The following ANO5 variants were observed in gnomAD, a reference collection of about 807,000 sequenced individuals.
ANO5 encodes the protein anoctamin-5.
Under a neutral mutation model 121.0 loss-of-function variants are expected in ANO5, and 109 were observed. The ratio of observed to expected loss-of-function variants is 0.90; its 90% CI spans 0.77 to 1.06. The LOEUF (loss-of-function observed/expected upper bound fraction) is 1.06. Among genes scored for constraint, ANO5 ranks in the 50% least tolerant of loss-of-function variants. The pLI, the probability that ANO5 is intolerant of heterozygous loss-of-function variation, is 0.00. For missense variants in ANO5, 1,064 were observed against 1,078.5 expected, an observed-to-expected ratio of 0.99 and a Z score of 0.19; for synonymous variants, 406 against 359.9, an observed-to-expected ratio of 1.13 and a Z score of -1.45.
intron 1 of ANO5, among the ~76,000 whole-genome samples, chr11:22,194,481 C>T (rs1222769372): frequency 6.6e-6 from 1 of 152,166 alleles, no homozygotes; most frequent in Non-Finnish European, 1.5e-5. Context: ...TAAAATTCAC[C>T]TATTTGACGT....
chr11:22,221,499 A>G (rs192534395), intron 5 of ANO5, among the ~76,000 whole-genome samples: 26 of 152,152 alleles, frequency 1.7e-4, no homozygotes, highest in African/African-American at 5.8e-4. Context: ...AATTTGAGGT[A>G]TGTGTCTGAA....
intron 1 of ANO5, among the ~76,000 whole-genome samples, chr11:22,200,256 G>A (rs1020966832): frequency 6.6e-6 from 1 of 152,128 alleles, no homozygotes; most frequent in African/African-American, 2.4e-5. Flanking sequence ...TCCATGAAGT[G>A]ATAGATTCAT....
rs776413829 is a variant in ANO5 at position 22,255,488 on chromosome 11, T to C, written c.1298T>C (p.Met433Thr). The change falls in exon 13 of 22, where the codon ATG (methionine) becomes ACG (threonine). Residue 433 changes from methionine (M) to threonine (T), a missense_variant. Transcript: ENST00000324559. ...QLQLRPEFEA[M>T]CKHRKLNAVT... The stretch of plus-strand genomic sequence containing the variant: ...CAGCTGAGACCAGAATTTGAAGCTA[T>C]GTGTAAACACAGGAAATTGAATGCA... 6.2e-7 allele frequency: 1 copy of C among 1,613,588 alleles called. No homozygotes were observed. The highest frequency in any genetic ancestry group is 8.5e-7 in the Non-Finnish European group (1 of 1,179,622).
At chr11:22,252,657 T>C (rs968508833) in intron 12 of ANO5, among the ~76,000 whole-genome samples, 21 of 152,332 alleles carry the variant, frequency 1.4e-4, no homozygotes, top group Middle Eastern at 3.4e-3. Context: ...ATCTCATTCG[T>C]AGTCAATGGA....
intron 20 of ANO5, among the ~76,000 whole-genome samples, chr11:22,275,891 TC>T (rs1854821681): frequency 6.6e-6 from 1 of 151,698 alleles, no homozygotes; most frequent in Admixed American, 6.6e-5. Context: ...TCTTCTTAGA[TC>T]TATTTTGCAC....
At chr11:22,218,171 G>A in intron 3 of ANO5, 75 bp from the exon 4 acceptor site, 1 of 1,498,668 alleles carries the variant, frequency 6.7e-7, no homozygotes, top group Non-Finnish European at 9.2e-7. Flanking sequence ...GGGTTAGTTT[G>A]TCTTTGTCTT....
chr11:22,215,404 G>C (rs1852407046), intron 3 of ANO5, among the ~76,000 whole-genome samples: 1 of 151,896 alleles, frequency 6.6e-6, no homozygotes, highest in African/African-American at 2.4e-5. Context: ...GTCTCCTAGT[G>C]ATTTCATCCA....
chr11:22,266,473 G>A (rs909114347), intron 17 of ANO5, among the ~76,000 whole-genome samples: 9 of 152,032 alleles, frequency 5.9e-5, no homozygotes, highest in African/African-American at 9.7e-5. Flanking sequence ...CCAACTGGGG[G>A]TTATAAATGA....
At chr11:22,272,675 G>C (rs549964874) in intron 18 of ANO5, 109 bp from the exon 19 acceptor site, 1 of 990,934 alleles carries the variant, frequency 1.0e-6, no homozygotes, top group Non-Finnish European at 1.6e-6. Context: ...CTGGATTGTC[G>C]TATTCGTGTG....
rs547075838 is a variant in ANO5 at position 22,202,820 on chromosome 11, G to A, written c.41-984G>A. Among the ~76,000 whole-genome samples the A allele has an allele frequency of 3.3e-5, 5 of 152,190 alleles. No individual in the cohort carries two copies. In the South Asian group the frequency reaches 1.0e-3, roughly 32 times the overall value. On this transcript the variant is annotated intron_variant, in intron 1 of 21. Transcript: ENST00000324559. ...TCACACTGCCTTCTTCTGTGCCTCT[G>A]TTCCCTCTTCTTTTCTTAGGAGGAC...
At chr11:22,275,044 C>T (rs912383821) in intron 20 of ANO5, among the ~76,000 whole-genome samples, 11 of 151,892 alleles carry the variant, frequency 7.2e-5, no homozygotes, top group Non-Finnish European at 1.3e-4. Context: ...AAGGATTTGT[C>T]ACCAACAAGT....
rs1376290749 is a variant in ANO5, at chr11:22,269,247, AAAAG to A, written c.1899-1059_1899-1056del. On this transcript the variant is annotated intron_variant, in intron 17 of 21. Transcript: ENST00000324559. ...AAGAAAGGAAGGAAGGAAGGAGAAA[AAAAG>A]AAAGAGAAGGAAAAGGGAAGGGAAG... 1.7e-4 allele frequency among the ~76,000 whole-genome samples: 11 copies of A among 64,394 alleles called. No homozygotes were observed. In the South Asian group the frequency reaches 1.8e-3, roughly 10 times the overall value. The allele number at this position is 64,394 out of a possible 152,430, so 42.2% of individuals were successfully genotyped here. A position where few individuals can be genotyped will look rare whatever the true frequency, so the allele number is the denominator to read the frequency against.
rs542446918 is a variant in ANO5 at position 22,274,277 on chromosome 11, G to C, written c.2236-292G>C. 7.2e-5 allele frequency among the ~76,000 whole-genome samples: 11 copies of C among 152,050 alleles called. No individual in the cohort carries two copies. In the East Asian group the frequency reaches 1.9e-3, roughly 27 times the overall value. The stretch of plus-strand genomic sequence containing the variant: ...ACTGTGCTGTGAAACAATAAGAAAT[G>C]TAAGAAATAGAAAGCCTTGATGGAA... On this transcript the variant is annotated intron_variant, in intron 19 of 21. Coordinates refer to ENST00000324559, the MANE Select transcript of ANO5 (RefSeq NM_213599.3).
chr11:22,255,681 A>T (rs538270060), intron 13 of ANO5, among the ~76,000 whole-genome samples, 159 bp downstream of exon 13: 1 of 152,286 alleles, frequency 6.6e-6, no homozygotes, highest in African/African-American at 2.4e-5. Context: ...ACATGTATAT[A>T]AATGTATATA....
intron 15 of ANO5, among the ~76,000 whole-genome samples, chr11:22,261,045 C>T (rs1354522267): frequency 2.0e-5 from 3 of 152,100 alleles, no homozygotes; most frequent in Non-Finnish European, 4.4e-5. Flanking sequence ...TCATCCCTGC[C>T]CTTGACATGA....
Position 22,250,843 on chromosome 11 carries a change from A to G in ANO5, c.1116A>G (p.Ser372=), listed in dbSNP as rs151022897. 13 of 1,613,662 alleles carry G rather than the reference A, an allele frequency of 8.1e-6. No individual in the cohort carries two copies. The highest frequency in any genetic ancestry group is 1.1e-5 in the Non-Finnish European group (13 of 1,179,706). ...YWRLNSTCLA[S]KFSHLFDNES... ...GACTAAATAGTACGTGTTTGGCTTC[A>G]AAGGTATGTATGCATTGTAACATGT... The change falls in exon 11 of 22, where the codon TCA becomes TCG. Residue 372 remains serine (S), a synonymous_variant. Transcript: ENST00000324559.
At chr11:22,243,435 G>A (rs1425244120) in intron 9 of ANO5, among the ~76,000 whole-genome samples, 2 of 152,040 alleles carry the variant, frequency 1.3e-5, no homozygotes. Context: ...TTCATAGAAC[G>A]AGTTATGGAG....
chr11:22,229,117 C>T (rs1852948936), intron 7 of ANO5, among the ~76,000 whole-genome samples: 1 of 151,868 alleles, frequency 6.6e-6, no homozygotes, highest in South Asian at 2.1e-4. Context: ...AGACTACACA[C>T]TCTCCACCTT....
At chr11:22,211,784 C>T (rs767117137) in intron 3 of ANO5, among the ~76,000 whole-genome samples, 16 of 151,842 alleles carry the variant, frequency 1.1e-4, no homozygotes, top group Middle Eastern at 3.4e-3. Context: ...GGTAAGGGGA[C>T]CTGAAACTTT....
Sources: gnomAD v4.1 joint callset for allele counts (sites outside exome capture counted in the v4.1 genomes callset) on GRCh38, gnomAD v4.1.1 for gene constraint, MANE v1.5 for transcripts, NCBI Gene and HGNC (gene_info 2026-07-23, HGNC 2026-07-21) for gene names.